Variants in ITFG1 observed in about 807,000 individuals in gnomAD.
ITFG1 encodes T-cell immunomodulatory protein.
In ITFG1, 34 loss-of-function variants were observed where a neutral mutation model predicts 81.8. The observed-to-expected ratio is 0.42, with a 90% CI of 0.32 to 0.55. The LOEUF (loss-of-function observed/expected upper bound fraction) is 0.55. ITFG1 is among the 20% of genes least tolerant of loss of function. ITFG1 has a pLI of 0.17. For missense variants in ITFG1, 672 were observed against 755.4 expected, an observed-to-expected ratio of 0.89 and a Z score of 1.29; for synonymous variants, 285 against 270.6, an observed-to-expected ratio of 1.05 and a Z score of -0.52.
At chr16:47,407,576 G>A (rs1007600750) in intron 6 of ITFG1, among the ~76,000 whole-genome samples, 8 of 152,092 alleles carry the variant, frequency 5.3e-5, no homozygotes, top group Non-Finnish European at 1.0e-4. Context: ...AGAACTCCTG[G>A]TCTCATGTGA....
chr16:47,349,042 A>C (rs1442395339), intron 8 of ITFG1, among the ~76,000 whole-genome samples: 2 of 152,230 alleles, frequency 1.3e-5, no homozygotes, highest in Non-Finnish European at 2.9e-5. Flanking sequence ...GCCTGCCCTA[A>C]AAGAGCTCCT....
chr16:47,160,535 C>A (rs1964787537), intron 16 of ITFG1, among the ~76,000 whole-genome samples: 1 of 151,994 alleles, frequency 6.6e-6, no homozygotes, highest in African/African-American at 2.4e-5. Flanking sequence ...TCTAGTTTTA[C>A]TGTAAATTTC....
intron 7 of ITFG1, among the ~76,000 whole-genome samples, chr16:47,366,433 T>C (rs916299856): frequency 5.9e-5 from 9 of 152,148 alleles, no homozygotes; most frequent in South Asian, 2.1e-4. Flanking sequence ...AAGCAAAGGA[T>C]TGCAACAGCA....
At chr16:47,418,620 CTATT>C (rs1437019064) in intron 6 of ITFG1, among the ~76,000 whole-genome samples, 4 of 152,064 alleles carry the variant, frequency 2.6e-5, no homozygotes, top group African/African-American at 7.2e-5. Context: ...TTTCCCAGCA[CTATT>C]TATTAAAGAA....
At chr16:47,419,491 T>C (rs1163122856) in intron 6 of ITFG1, among the ~76,000 whole-genome samples, 1 of 151,962 alleles carries the variant, frequency 6.6e-6, no homozygotes, top group Non-Finnish European at 1.5e-5. Context: ...AGGCTGGTCT[T>C]GAACTCCTGA....
At chr16:47,414,645 T>A (rs570647747) in intron 6 of ITFG1, among the ~76,000 whole-genome samples, 1 of 152,108 alleles carries the variant, frequency 6.6e-6, no homozygotes, top group East Asian at 1.9e-4. Flanking sequence ...TAAATCTGAA[T>A]TAAGAAAGAA....
intron 8 of ITFG1, among the ~76,000 whole-genome samples, chr16:47,357,164 T>C (rs1968050487): frequency 6.6e-6 from 1 of 152,146 alleles, no homozygotes; most frequent in South Asian, 2.1e-4. Context: ...AATTAATTTG[T>C]GGGTTATATT....
intron 8 of ITFG1, among the ~76,000 whole-genome samples, chr16:47,360,450 A>G (rs1053613827): frequency 3.3e-5 from 5 of 152,156 alleles, no homozygotes; most frequent in African/African-American, 9.7e-5. Flanking sequence ...TTTCAACTAT[A>G]AGATACAAAC....
chr16:47,183,839 G>C (rs998933226), intron 14 of ITFG1, among the ~76,000 whole-genome samples: 10 of 152,146 alleles, frequency 6.6e-5, no homozygotes, highest in African/African-American at 2.2e-4. Context: ...AAATTACTCT[G>C]AGCTACAGGA....
intron 6 of ITFG1, 80 bp from the exon 7 acceptor site, chr16:47,376,020 A>G (rs1398011452): frequency 5.4e-6 from 4 of 736,424 alleles, no homozygotes; most frequent in Non-Finnish European, 9.3e-6. Context: ...AAAATGCAAT[A>G]CATTAAAAGA....
rs541063755 is a variant in ITFG1, at chr16:47,354,960, C to T, written c.802+10828G>A. Among the ~76,000 whole-genome samples, 22 of 152,102 alleles carry T rather than the reference C, an allele frequency of 1.4e-4. No homozygotes were observed. In the South Asian group the frequency reaches 4.4e-3, roughly 30 times the overall value. On this transcript the variant is annotated intron_variant, in intron 8 of 17. Transcript: ENST00000320640. ...TTGGTGGGAATGTAAATTAGTACAG[C>T]CATTATGTAAAACAGTATGGAGTTT...
intron 10 of ITFG1, among the ~76,000 whole-genome samples, chr16:47,293,534 G>C (rs1051488955): frequency 6.6e-6 from 1 of 151,860 alleles, no homozygotes; most frequent in African/African-American, 2.4e-5. Context: ...AGAGTTTTTG[G>C]TAACAGCCAT....
chr16:47,421,922 T>A (rs920728056), intron 6 of ITFG1, among the ~76,000 whole-genome samples: 1 of 152,122 alleles, frequency 6.6e-6, no homozygotes, highest in African/African-American at 2.4e-5. Context: ...AGTGAGAACA[T>A]GTGGTGTTTG....
chr16:47,366,645 T>C (rs770187655), intron 7 of ITFG1, among the ~76,000 whole-genome samples: 8 of 152,218 alleles, frequency 5.3e-5, no homozygotes, highest in Non-Finnish European at 1.2e-4. Flanking sequence ...AAACAATGAA[T>C]TTGAAATTCT....
At chr16:47,216,374 C>A (rs920891459) in intron 14 of ITFG1, among the ~76,000 whole-genome samples, 1 of 151,952 alleles carries the variant, frequency 6.6e-6, no homozygotes, top group African/African-American at 2.4e-5. Flanking sequence ...CTTTTTTTTG[C>A]ATTTTCAGTA....
chr16:47,231,727 C>G (rs558395544), intron 13 of ITFG1, among the ~76,000 whole-genome samples: 1 of 152,210 alleles, frequency 6.6e-6, no homozygotes, highest in South Asian at 2.1e-4. Flanking sequence ...TGTATTAGGG[C>G]CTACTATGGT....
chr16:47,159,992 G>A (rs752982416), intron 16 of ITFG1, among the ~76,000 whole-genome samples: 3 of 151,580 alleles, frequency 2.0e-5, no homozygotes, highest in Non-Finnish European at 4.4e-5. Context: ...TTGAGATTAC[G>A]GAAAAAAGCT....
chr16:47,339,911 C>T (rs1315328818), intron 8 of ITFG1, among the ~76,000 whole-genome samples: 2 of 151,900 alleles, frequency 1.3e-5, no homozygotes, highest in East Asian at 1.9e-4. Flanking sequence ...CACACCAAGA[C>T]ACACAGCCAA....
At chr16:47,423,219 T>C in intron 6 of ITFG1, among the ~76,000 whole-genome samples, 1 of 152,068 alleles carries the variant, frequency 6.6e-6, no homozygotes, top group Non-Finnish European at 1.5e-5. Flanking sequence ...GTTTAAAGTC[T>C]GTTTTATCAG....
Sources: gnomAD v4.1 joint callset for allele counts (sites outside exome capture counted in the v4.1 genomes callset) on GRCh38, gnomAD v4.1.1 for gene constraint, MANE v1.5 for transcripts, NCBI Gene and HGNC (gene_info 2026-07-23, HGNC 2026-07-21) for gene names.